The following PDGFRA variants were observed in gnomAD, a reference collection of about 807,000 sequenced individuals.
The protein encoded by PDGFRA is platelet-derived growth factor receptor alpha.
A neutral mutation model predicts 121.5 loss-of-function variants in PDGFRA; 25 were observed. The ratio of observed to expected loss-of-function variants is 0.21; its 90% CI spans 0.15 to 0.29. PDGFRA has a LOEUF of 0.29. Among genes scored for constraint, PDGFRA ranks in the 10% least tolerant of loss-of-function variants. The probability of loss-of-function intolerance (pLI) is 1.00; values close to 1 mark genes in which losing one functional copy is unlikely to be tolerated. For missense variants in PDGFRA, 1,008 were observed against 1,345.1 expected (o/e 0.75, Z 3.92); for synonymous variants, 463 against 494.8 (o/e 0.94, Z 0.85).
rs543500191 is a variant in PDGFRA, at chr4:54,233,210, G to A, written c.-13+3795G>A. 9.2e-5 allele frequency among the ~76,000 whole-genome samples: 14 copies of A among 152,006 alleles called. No homozygotes were observed. The South Asian group carries it at 2.7e-3, about 29-fold the overall frequency. On this transcript the variant is annotated intron_variant, in intron 1 of 22. Coordinates refer to ENST00000257290, the MANE Select transcript of PDGFRA (RefSeq NM_006206.6). ...GCGCAGGGGCGCAGGTCCCCGGAGC[G>A]GCTGGGCATCGCCGCCAACCCCGGG...
intron 1 of PDGFRA, among the ~76,000 whole-genome samples, chr4:54,255,474 G>C (rs1722308616): frequency 6.6e-6 from 1 of 151,028 alleles, no homozygotes; most frequent in Non-Finnish European, 1.5e-5. Context: ...CTAAATACAG[G>C]AATACAAGAA....
intron 1 of PDGFRA, among the ~76,000 whole-genome samples, chr4:54,248,069 T>C (rs1486570113): frequency 2.6e-5 from 4 of 152,072 alleles, no homozygotes; most frequent in Non-Finnish European, 2.9e-5. Context: ...TAAAAGAGGA[T>C]ACAAACAAAT....
In PDGFRA at chr4:54,280,353, A is replaced by G. The variant is rs749523527; in HGVS notation, c.2194A>G (p.Met732Val). The change falls in exon 16 of 23, where the codon ATG becomes GTG. Residue 732 changes from methionine (M) to valine (V), a missense_variant. Met to Val is a conservative substitution (Grantham distance 21). Coordinates refer to ENST00000257290, the MANE Select transcript of PDGFRA (RefSeq NM_006206.6). ...ATCTTTTGAAAACAATGGTGACTAC[A>G]TGGACATGAAGCAGGCTGATACTAC... ...ILSFENNGDY[M>V]DMKQADTTQY... 2.5e-6 allele frequency: 4 copies of G among 1,613,596 alleles called. No homozygotes were observed. The South Asian group carries it at 3.3e-5, about 13-fold the overall frequency.
chr4:54,234,640 GT>G (rs780339213), intron 1 of PDGFRA, among the ~76,000 whole-genome samples: 2 of 152,080 alleles, frequency 1.3e-5, no homozygotes, highest in Non-Finnish European at 2.9e-5. Flanking sequence ...TTTCTCCTTG[GT>G]TGTTAATGCT....
chr4:54,244,395 G>C (rs1291983330), intron 1 of PDGFRA, among the ~76,000 whole-genome samples: 2 of 152,316 alleles, frequency 1.3e-5, no homozygotes, highest in East Asian at 3.9e-4. Flanking sequence ...TCAGACAGCA[G>C]CATTTGCGGT....
chr4:54,270,682 C>T lies in PDGFRA; in HGVS notation c.1171C>T (p.His391Tyr), dbSNP rs781579645. 1.6e-5 allele frequency: 25 copies of T among 1,612,352 alleles called. No individual in the cohort carries two copies. The highest frequency in any genetic ancestry group is 2.0e-5 in the Non-Finnish European group (24 of 1,178,546). The change falls in exon 8 of 23, where the codon CAT becomes TAT. Residue 391 changes from histidine to tyrosine, a missense_variant. Around this residue, in one of 5 missense-constraint regions of PDGFRA, gnomAD observed 575 missense variants for 701.8 expected, o/e 0.82. Transcript: ENST00000257290. ...LIRAKEEDSG[H>Y]YTIVAQNEDA... ...CCGTGCTAAGGAAGAAGACAGTGGCCATTATACTATTGTAGCTCAAAATGA... is the reference window on the plus strand; with the variant it reads ...CCGTGCTAAGGAAGAAGACAGTGGCTATTATACTATTGTAGCTCAAAATGA...
chr4:54,265,140 A>G, intron 5 of PDGFRA, 91 bp downstream of exon 5: 3 of 1,242,434 alleles, frequency 2.4e-6, no homozygotes, highest in Non-Finnish European at 3.6e-6. Context: ...TGATGGGCAC[A>G]TCACTGAGTT....
intron 10 of PDGFRA, among the ~76,000 whole-genome samples, chr4:54,274,144 G>A (rs1158604355): frequency 1.3e-5 from 2 of 152,136 alleles, no homozygotes; most frequent in African/African-American, 4.8e-5. Context: ...GAAGCCAAAA[G>A]CAATATAAGC....
Position 54,261,313 on chromosome 4 carries a change from G to C in PDGFRA, c.268G>C (p.Ala90Pro). 1 of 1,614,086 alleles carries C rather than the reference G, an allele frequency of 6.2e-7. No individual in the cohort carries two copies. The highest frequency in any genetic ancestry group is 8.5e-7 in the Non-Finnish European group (1 of 1,179,990). The change falls in exon 3 of 23, where the codon GCC (alanine) becomes CCC (proline). Residue 90 changes from alanine to proline, a missense_variant. Ala to Pro is a conservative substitution (Grantham distance 27). Coordinates refer to ENST00000257290, the MANE Select transcript of PDGFRA (RefSeq NM_006206.6). ...TGTGACGGTCTTGGAAGTGAGCAGT[G>C]CCTCGGCGGCCCACACAGGGTTGTA... ...LFVTVLEVSS[A>P]SAAHTGLYTC...
At chr4:54,256,043 A>C (rs534986744) in intron 1 of PDGFRA, among the ~76,000 whole-genome samples, 1 of 151,990 alleles carries the variant, frequency 6.6e-6, no homozygotes, top group South Asian at 2.1e-4. Context: ...AGGCATTTGT[A>C]GTCACAGGAT....
intron 7 of PDGFRA, among the ~76,000 whole-genome samples, chr4:54,269,839 TG>T (rs1723242820): frequency 1.3e-5 from 2 of 150,898 alleles, no homozygotes; most frequent in African/African-American, 2.4e-5. Flanking sequence ...TTAGTAGAGA[TG>T]GGGGTTTCAC....
At chr4:54,258,844 C>T in intron 2 of PDGFRA, 27 bp downstream of exon 2, 2 of 1,602,902 alleles carry the variant, frequency 1.2e-6, no homozygotes, top group East Asian at 2.2e-5. Context: ...TCTCTGAGTT[C>T]CTTGTTTGGG....
intron 8 of PDGFRA, 134 bp downstream of exon 8, chr4:54,270,882 A>T: frequency 2.9e-6 from 2 of 693,490 alleles, no homozygotes; most frequent in Non-Finnish European, 5.3e-6. Context: ...TATGTCACAT[A>T]TCGGGAATAC....
intron 15 of PDGFRA, chr4:54,278,906 T>C (rs1359076887): frequency 8.6e-6 from 4 of 464,274 alleles, no homozygotes; most frequent in African/African-American, 7.9e-5. Flanking sequence ...CCTGGACCTA[T>C]AAATGACGTC....
Position 54,261,931 on chromosome 4 carries a change from A to ATATTTT in PDGFRA, c.367+520_367+521insATTTTT, listed in dbSNP as rs57094735. Among the ~76,000 whole-genome samples the ATATTTT allele has an allele frequency of 4.7e-3, 274 of 58,378 alleles. 2 individuals carry two copies. Among genetic ancestry groups the ATATTTT allele is most frequent in the Admixed American group, 0.023 (102 of 4,418 alleles). 38.3% of individuals were successfully genotyped at this position (58,378 alleles called of 152,430 possible). ...TATATATATATATATATATATATATATTTTTTTTTTTTTTGGTAACAGGGT... is the reference window on the plus strand; with the variant it reads ...TATATATATATATATATATATATATATATTTTTTTTTTTTTTTTTTGGTAACAGGGT... On this transcript the variant is annotated intron_variant, in intron 3 of 22. Coordinates refer to ENST00000257290, the MANE Select transcript of PDGFRA (RefSeq NM_006206.6).
At position 54,289,241 on chromosome 4, in the gene PDGFRA, G is replaced by A. The variant is rs932284545; in HGVS notation, c.2880+127G>A. On this transcript the variant is annotated intron_variant, in intron 21 of 22. Transcript: ENST00000257290. ...AAAAGACTGTGTGATCCAGTGGCTG[G>A]GCTTCATGGCGGTGCTCCACGAGAC... The A allele has an allele frequency of 4.2e-6, 3 of 713,062 alleles. No homozygotes were observed. In the African/African-American group the frequency reaches 5.2e-5, roughly 12 times the overall value. The allele number at this position is 713,062 out of a possible 1,614,324, so 44.2% of individuals were successfully genotyped here.
At chr4:54,251,887 A>T (rs1312281404) in intron 1 of PDGFRA, among the ~76,000 whole-genome samples, 1 of 152,358 alleles carries the variant, frequency 6.6e-6, no homozygotes, top group Non-Finnish European at 1.5e-5. Flanking sequence ...GTGGCAAATA[A>T]TTATTTTTGC....
At chr4:54,245,601 G>A (rs1721599604) in intron 1 of PDGFRA, among the ~76,000 whole-genome samples, 1 of 152,220 alleles carries the variant, frequency 6.6e-6, no homozygotes, top group African/African-American at 2.4e-5. Flanking sequence ...ACCAGCCACT[G>A]CAAAATCATG....
chr4:54,249,915 A>G (rs1400510326), intron 1 of PDGFRA, among the ~76,000 whole-genome samples: 1 of 152,168 alleles, frequency 6.6e-6, no homozygotes, highest in Non-Finnish European at 1.5e-5. Context: ...TCTGTAACAG[A>G]AAATTGTAAA....
Sources: allele counts gnomAD v4.1 joint callset (sites outside exome capture counted in the v4.1 genomes callset), GRCh38; gene constraint gnomAD v4.1.1; regional missense constraint gnomAD v4.1.1; transcripts MANE v1.5; gene names NCBI Gene and HGNC (gene_info 2026-07-23, HGNC 2026-07-21).